CHCHD3: variants seen among roughly 807,000 people sequenced by gnomAD.
The protein encoded by CHCHD3 is MICOS complex subunit MIC19.
A neutral mutation model predicts 38.2 loss-of-function variants in CHCHD3; 20 were observed. The ratio of observed to expected loss-of-function variants is 0.52; its 90% CI spans 0.37 to 0.76. CHCHD3 has a LOEUF of 0.76. Among genes scored for constraint, CHCHD3 ranks in the 30% least tolerant of loss-of-function variants. The pLI is 0.00. For synonymous variants in CHCHD3, 82 were observed against 100.0 expected, an observed-to-expected ratio of 0.82 and a Z score of 1.07; for missense variants, 245 against 279.2, an observed-to-expected ratio of 0.88 and a Z score of 0.87.
chr7:132,915,206 G>A (rs1166314897), intron 4 of CHCHD3, among the ~76,000 whole-genome samples: 1 of 151,960 alleles, frequency 6.6e-6, no homozygotes, highest in Non-Finnish European at 1.5e-5. Context: ...AGCTCTCAAG[G>A]TCATCCACTG....
chr7:132,920,277 G>T lies in CHCHD3; in HGVS notation c.370-34532C>A, dbSNP rs1255173478. On this transcript the variant is annotated intron_variant, in intron 4 of 7. Transcript: ENST00000262570. Reference sequence around the variant, plus strand: ...CGCTACAATGACAGAGATAAGAATTGCAAGAGAACCTATGGCAGGCAAAGC... The same window carrying T: ...CGCTACAATGACAGAGATAAGAATTTCAAGAGAACCTATGGCAGGCAAAGC... Among the ~76,000 whole-genome samples, 4 of 152,220 alleles carry T rather than the reference G, an allele frequency of 2.6e-5. No homozygotes were observed. In the East Asian group the frequency reaches 7.7e-4, roughly 29 times the overall value.
At chr7:133,065,982 G>C (rs901281525) in intron 2 of CHCHD3, among the ~76,000 whole-genome samples, 2 of 152,130 alleles carry the variant, frequency 1.3e-5, no homozygotes, top group Non-Finnish European at 2.9e-5. Flanking sequence ...TCATGGTGCA[G>C]ATAGAAAATA....
At chr7:132,843,263 T>C (rs1031436733) in intron 5 of CHCHD3, among the ~76,000 whole-genome samples, 2 of 151,934 alleles carry the variant, frequency 1.3e-5, no homozygotes, top group African/African-American at 2.4e-5. Context: ...GAGTCACTTA[T>C]GGAGCTTATT....
chr7:132,911,831 A>G (rs951783692), intron 4 of CHCHD3, among the ~76,000 whole-genome samples: 2 of 152,240 alleles, frequency 1.3e-5, no homozygotes, highest in Non-Finnish European at 2.9e-5. Flanking sequence ...CCCCCTTGGT[A>G]TGAGTGAGAT....
At chr7:133,012,986 G>A (rs562250176) in intron 3 of CHCHD3, among the ~76,000 whole-genome samples, 27 of 151,896 alleles carry the variant, frequency 1.8e-4, no homozygotes, top group African/African-American at 6.5e-4. Context: ...AGGAGTTTGA[G>A]ACCAGCCTGG....
At chr7:132,985,248 T>C (rs1311144886) in intron 3 of CHCHD3, among the ~76,000 whole-genome samples, 1 of 51,620 alleles carries the variant, frequency 1.9e-5, no homozygotes, top group African/African-American at 7.9e-5. Flanking sequence ...GGGAGGGAGG[T>C]GGGGGGGTCA....
intron 5 of CHCHD3, among the ~76,000 whole-genome samples, chr7:132,843,318 G>C (rs977777405): frequency 4.6e-5 from 7 of 152,082 alleles, no homozygotes; most frequent in African/African-American, 1.7e-4. Flanking sequence ...TGGGGATGGG[G>C]CCAGGAAGCT....
At chr7:132,798,790 T>C (rs1806688173) in intron 6 of CHCHD3, among the ~76,000 whole-genome samples, 1 of 152,134 alleles carries the variant, frequency 6.6e-6, no homozygotes, top group Non-Finnish European at 1.5e-5. Flanking sequence ...CTTTAAAAAG[T>C]CTACTCACGA....
intron 6 of CHCHD3, among the ~76,000 whole-genome samples, chr7:132,833,417 A>G (rs186494206): frequency 1.1e-3 from 164 of 152,356 alleles, no homozygotes; most frequent in African/African-American, 3.6e-3. Flanking sequence ...CTTAGTTCCC[A>G]CTGAAATCAT....
intron 2 of CHCHD3, among the ~76,000 whole-genome samples, chr7:133,051,123 A>G (rs778605605): frequency 1.2e-4 from 18 of 152,222 alleles, no homozygotes; most frequent in Admixed American, 9.2e-4. Flanking sequence ...TCCTTCAGAA[A>G]AAGACCACAG....
At chr7:132,871,042 T>A (rs575050112) in intron 5 of CHCHD3, among the ~76,000 whole-genome samples, 1 of 152,366 alleles carries the variant, frequency 6.6e-6, no homozygotes, top group Non-Finnish European at 1.5e-5. Context: ...CTTGTTTTAT[T>A]GTCTGGCAAG....
intron 5 of CHCHD3, among the ~76,000 whole-genome samples, chr7:132,881,262 TGG>T (rs1162623942): frequency 6.6e-6 from 1 of 152,136 alleles, no homozygotes; most frequent in African/African-American, 2.4e-5. Context: ...TATAAATACC[TGG>T]GTAGAGGGAG....
intron 4 of CHCHD3, among the ~76,000 whole-genome samples, chr7:132,893,815 T>C (rs2073825152): frequency 6.6e-6 from 1 of 152,206 alleles, no homozygotes; most frequent in Non-Finnish European, 1.5e-5. Context: ...AAAAGGTGCC[T>C]GCTTCCCCTT....
At chr7:132,843,199 C>T (rs943742348) in intron 5 of CHCHD3, among the ~76,000 whole-genome samples, 5 of 152,134 alleles carry the variant, frequency 3.3e-5, no homozygotes, top group Non-Finnish European at 7.4e-5. Context: ...CCACCACACC[C>T]AGCTAATTTT....
At chr7:132,964,953 ATGAT>A (rs140183280) in intron 4 of CHCHD3, among the ~76,000 whole-genome samples, 5,210 of 152,218 alleles carry the variant, frequency 0.034, 281 homozygotes, top group African/African-American at 0.12. Flanking sequence ...TGATAGCATT[ATGAT>A]TGTGCATACA....
At position 132,785,017 on chromosome 7, in the gene CHCHD3, G is replaced by A. The variant is rs1424725294; in HGVS notation, c.*620C>T. 6.6e-6 allele frequency: 1 copy of A among 152,568 alleles called. No individual in the cohort carries two copies. The highest frequency in any genetic ancestry group is 1.9e-4 in the East Asian group (1 of 5,196). The allele number at this position is 152,568 out of a possible 1,614,324, so 9.5% of individuals were successfully genotyped here. A position where few individuals can be genotyped will look rare whatever the true frequency, so the allele number is the denominator to read the frequency against. ...CATAAACATTATTCCAGTAGAAGAG[G>A]TACATTTTCTCTCCTTTTTGTCTTC... is the stretch of plus-strand genomic sequence containing the variant. On this transcript the variant is annotated 3_prime_UTR_variant, in exon 8 of 8. Coordinates refer to ENST00000262570, the MANE Select transcript of CHCHD3 (RefSeq NM_017812.4).
chr7:133,043,365 G>C (rs1412642221), intron 2 of CHCHD3, among the ~76,000 whole-genome samples: 1 of 152,104 alleles, frequency 6.6e-6, no homozygotes, highest in Non-Finnish European at 1.5e-5. Context: ...AAATCGACTG[G>C]ACACGGTGGC....
At chr7:132,787,191 G>A (rs1806341446) in intron 7 of CHCHD3, among the ~76,000 whole-genome samples, 1 of 152,164 alleles carries the variant, frequency 6.6e-6, no homozygotes, top group South Asian at 2.1e-4. Context: ...GAGAAAGGGT[G>A]GAAAGAGGGC....
chr7:133,022,348 A>G (rs1813206013), intron 3 of CHCHD3: 1 of 456,358 alleles, frequency 2.2e-6, no homozygotes, highest in African/African-American at 2.0e-5. Flanking sequence ...TACAAAGGCA[A>G]GAGGAGCTAT....
Sources: gnomAD v4.1 joint callset for allele counts (sites outside exome capture counted in the v4.1 genomes callset) on GRCh38, gnomAD v4.1.1 for gene constraint, MANE v1.5 for transcripts, NCBI Gene and HGNC (gene_info 2026-07-23, HGNC 2026-07-21) for gene names.